SYNE1: variants seen among roughly 807,000 people sequenced by gnomAD.
The protein encoded by SYNE1 is nesprin-1.
Under a neutral mutation model 1,111.0 loss-of-function variants are expected in SYNE1, and 616 were observed. The ratio of observed to expected loss-of-function variants is 0.55; its 90% confidence interval spans 0.52 to 0.59. The LOEUF is 0.59. Ranked by LOEUF, SYNE1 falls within the 20% of genes least tolerant of loss-of-function variation. The pLI is 0.00. For synonymous variants in SYNE1, 3,855 were observed against 3,825.8 expected, an observed-to-expected ratio of 1.01 and a Z score of -0.28; for missense variants, 10,006 against 10,417.0, an observed-to-expected ratio of 0.96 and a Z score of 1.72.
At chr6:152,239,238 C>T (rs1474264667) in intron 108 of SYNE1, among the ~76,000 whole-genome samples, 1 of 152,036 alleles carries the variant, frequency 6.6e-6, no homozygotes, top group African/African-American at 2.4e-5. Context: ...TTTTCATACT[C>T]TTAAGTAAGC....
chr6:152,296,345 G>C (rs1273094009), intron 93 of SYNE1, among the ~76,000 whole-genome samples: 1 of 152,194 alleles, frequency 6.6e-6, no homozygotes, highest in Non-Finnish European at 1.5e-5. Flanking sequence ...ATAAGCTCCA[G>C]ACTCACATAT....
intron 93 of SYNE1, among the ~76,000 whole-genome samples, chr6:152,295,373 C>T (rs555813264): frequency 6.6e-6 from 1 of 152,080 alleles, no homozygotes; most frequent in Non-Finnish European, 1.5e-5. Flanking sequence ...GAGTGGATTA[C>T]TCTTCATGTC....
At chr6:152,186,467 A>AATCACTTG (rs1297750661) in intron 128 of SYNE1, among the ~76,000 whole-genome samples, 41 of 147,150 alleles carry the variant, frequency 2.8e-4, no homozygotes, top group African/African-American at 9.7e-4. Context: ...GAGGCAAGAG[A>AATCACTTG]ATCACTTGTA....
intron 3 of SYNE1, among the ~76,000 whole-genome samples, chr6:152,564,894 ATG>A (rs1564880133): frequency 6.6e-6 from 1 of 152,206 alleles, no homozygotes; most frequent in Non-Finnish European, 1.5e-5. Flanking sequence ...AAAAATAATA[ATG>A]AAAACCTCCT....
At chr6:152,288,123 T>C (rs1372838352) in intron 95 of SYNE1, among the ~76,000 whole-genome samples, 1 of 122,426 alleles carries the variant, frequency 8.2e-6, no homozygotes, top group African/African-American at 3.7e-5. Context: ...TTATTATGTC[T>C]TTGTTTTTTT....
chr6:152,467,242 T>A (rs1233036029), intron 16 of SYNE1, among the ~76,000 whole-genome samples: 1 of 152,118 alleles, frequency 6.6e-6, no homozygotes, highest in African/African-American at 2.4e-5. Context: ...TAATTGGCTT[T>A]ATTTTATTTG....
chr6:152,565,383 G>A (rs2099409628), intron 3 of SYNE1, among the ~76,000 whole-genome samples: 1 of 152,116 alleles, frequency 6.6e-6, no homozygotes, highest in African/African-American at 2.4e-5. Context: ...ATTCCTAAGG[G>A]CTAGCAGATT....
rs2097591991 is a variant in SYNE1, at chr6:152,390,452, C to T, written c.8005G>A (p.Asp2669Asn). 5 of 1,613,876 alleles carry T rather than the reference C, an allele frequency of 3.1e-6. No homozygotes were observed. In the East Asian group the frequency reaches 1.1e-4, roughly 36 times the overall value. ...CCTTCACCTTTCATCAGGAGAATAT[C>T]CTGGGAAGGAAGAAAGAATACTCAT... is the stretch of plus-strand genomic sequence containing the variant. ...TLEKRLSQIQ[D>N]ILLMKGEGEV... Residue 2669 changes from aspartate (D) to asparagine (N), a missense_variant and splice_region_variant, in exon 53 of 146, where the codon GAT becomes AAT. Asp to Asn is a conservative substitution (Grantham distance 23). Transcript: ENST00000367255.
At position 152,455,498 on chromosome 6, in the gene SYNE1, C is replaced by G; in HGVS notation, c.2820G>C (p.Glu940Asp). ...KKFEESRAEL[E>D]KVLRIAQEGL... ...CCTCCTGAGCAATCCGCAGTACCTT[C>G]TCCAACTCTGCTCGAGACTCCTCAA... The change falls in exon 24 of 146, where the codon GAG becomes GAC. Residue 940 changes from glutamate to aspartate, a missense_variant. Coordinates refer to ENST00000367255, the MANE Select transcript of SYNE1 (RefSeq NM_182961.4). 2 of 1,614,202 alleles carry G rather than the reference C, an allele frequency of 1.2e-6. No individual in the cohort carries two copies. The highest frequency in any genetic ancestry group is 1.7e-6 in the Non-Finnish European group (2 of 1,180,032).
intron 3 of SYNE1, among the ~76,000 whole-genome samples, chr6:152,623,451 A>G (rs2099679764): frequency 1.3e-5 from 2 of 152,212 alleles, no homozygotes; most frequent in African/African-American, 4.8e-5. Flanking sequence ...ACCATTCATG[A>G]CACAGGCACA....
chr6:152,605,552 G>A (rs563695208), intron 3 of SYNE1, among the ~76,000 whole-genome samples: 3 of 152,142 alleles, frequency 2.0e-5, no homozygotes, highest in Non-Finnish European at 1.5e-5. Flanking sequence ...GTGGCTGATT[G>A]TAAAGCGACC....
At chr6:152,133,658 G>A in intron 142 of SYNE1, 170 bp from the exon 143 acceptor site, 2 of 666,380 alleles carry the variant, frequency 3.0e-6, no homozygotes, top group South Asian at 3.7e-5. Flanking sequence ...TTCTAATCCT[G>A]CCTCTGCCAA....
At chr6:152,181,796 C>T (rs532324420) in intron 128 of SYNE1, among the ~76,000 whole-genome samples, 47 of 152,252 alleles carry the variant, frequency 3.1e-4, no homozygotes, top group African/African-American at 1.0e-3. Context: ...CACATGTTTT[C>T]ATTTCTCCTA....
intron 53 of SYNE1, among the ~76,000 whole-genome samples, chr6:152,388,253 C>CTT (rs71556256): frequency 7.6e-5 from 11 of 144,428 alleles, no homozygotes; most frequent in African/African-American, 2.8e-4. Context: ...CACCCCCCGC[C>CTT]TTTTTTTTTT....
intron 44 of SYNE1, among the ~76,000 whole-genome samples, chr6:152,408,340 GAACT>G (rs1392508338): frequency 6.6e-6 from 1 of 152,104 alleles, no homozygotes; most frequent in Non-Finnish European, 1.5e-5. Context: ...GACAGAACAA[GAACT>G]AAAACCCAAA....
At chr6:152,375,751 G>GA (rs994624207) in intron 58 of SYNE1, among the ~76,000 whole-genome samples, 17 of 152,152 alleles carry the variant, frequency 1.1e-4, no homozygotes, top group African/African-American at 3.6e-4. Context: ...AATTAAATGA[G>GA]AAAATCCACT....
chr6:152,329,607 T>C, intron 78 of SYNE1, 123 bp downstream of exon 78: 1 of 1,266,438 alleles, frequency 7.9e-7, no homozygotes, highest in Non-Finnish European at 1.1e-6. Flanking sequence ...CTGAAGATGC[T>C]TCTGTGTAGT....
intron 45 of SYNE1, among the ~76,000 whole-genome samples, chr6:152,406,741 G>A (rs2097907657): frequency 6.6e-6 from 1 of 151,950 alleles, no homozygotes; most frequent in Admixed American, 6.6e-5. Flanking sequence ...GGTGGTGCAT[G>A]CCTGTAATCC....
Position 152,310,779 on chromosome 6 carries a change from A to AT in SYNE1, c.16804dup (p.Met5602AsnfsTer13), listed in dbSNP as rs1368275632. ...TCCCAGTTCTGCCACTTGCTGAGAC[A>AT]TTTTTTCTGTACAGTACACGCTAGT... On this transcript the variant is annotated frameshift_variant, in exon 88 of 146. Coordinates refer to ENST00000367255, the MANE Select transcript of SYNE1 (RefSeq NM_182961.4). LOFTEE classifies it high-confidence loss of function. 3.1e-6 allele frequency: 5 copies of AT among 1,613,508 alleles called. No homozygotes were observed. Among genetic ancestry groups the AT allele is most frequent in the African/African-American group, 1.3e-5 (1 of 74,696 alleles).
Sources: allele counts gnomAD v4.1 joint callset (sites outside exome capture counted in the v4.1 genomes callset), GRCh38; gene constraint gnomAD v4.1.1; transcripts MANE v1.5; gene names NCBI Gene and HGNC (gene_info 2026-07-23, HGNC 2026-07-21).